Variants in SYNJ2 observed in about 807,000 individuals in gnomAD.
SYNJ2 encodes synaptojanin 2, also known as polyphosphatidylinositol phosphatase SYNJ2.
In SYNJ2, 116 loss-of-function variants were observed where a neutral mutation model predicts 141.3. That is an observed-to-expected ratio of 0.82 (90% CI 0.71 to 0.96). The LOEUF (loss-of-function observed/expected upper bound fraction) is 0.96. SYNJ2 is among the 40% of genes least tolerant of loss of function. SYNJ2 has a pLI of 0.00. For missense variants in SYNJ2, 1,873 were observed against 1,934.8 expected (o/e 0.97, Z 0.60); for synonymous variants, 745 against 777.7 (o/e 0.96, Z 0.70).
Position 158,027,191 on chromosome 6 carries a change from G to T in SYNJ2, c.215-1565G>T. 1.0e-6 allele frequency: 1 copy of T among 985,154 alleles called. No individual in the cohort carries two copies. The highest frequency in any genetic ancestry group is 1.2e-6 in the Non-Finnish European group (1 of 829,878). 61.0% of individuals were successfully genotyped at this position (985,154 alleles called of 1,614,324 possible). On this transcript the variant is annotated intron_variant, in intron 2 of 26. Coordinates refer to ENST00000355585, the MANE Select transcript of SYNJ2 (RefSeq NM_003898.4). The surrounding 1 kb of genome is among the most constrained non-coding windows in gnomAD (Gnocchi z 4.6). ...GTGAGGAAATTGGGGTGAGAGGGTGGTGGAACTGGTTGTTTTGGGGGTCTC... is the reference window on the plus strand; with the variant it reads ...GTGAGGAAATTGGGGTGAGAGGGTGTTGGAACTGGTTGTTTTGGGGGTCTC...
rs145699851 is a variant in SYNJ2, at chr6:158,049,276, G to T, written c.796-5691G>T. Among the ~76,000 whole-genome samples, 354 of 152,292 alleles carry T rather than the reference G, an allele frequency of 2.3e-3. 2 individuals are homozygous for T. Among genetic ancestry groups the T allele is most frequent in the African/African-American group, 8.2e-3 (339 of 41,554 alleles). On this transcript the variant is annotated intron_variant, in intron 5 of 26. Transcript: ENST00000355585. ...TGGAGGAGAAGGGAAGCTACAAAAT[G>T]CAGTGACAGTGGTGGACCCTGCCCT... is the stretch of plus-strand genomic sequence containing the variant.
intron 1 of SYNJ2, among the ~76,000 whole-genome samples, chr6:157,997,752 G>A (rs1461323051): frequency 8.8e-6 from 1 of 113,078 alleles, no homozygotes; most frequent in Non-Finnish European, 1.8e-5. Flanking sequence ...GTTGAATGAC[G>A]AAGCATTGGC....
chr6:158,094,064 C>T lies in SYNJ2; in HGVS notation c.3744+960C>T, dbSNP rs3828711. The stretch of plus-strand genomic sequence containing the variant: ...TAATCCCTTCCTGGTCATCACAGCA[C>T]GATGCTGCTTCCCCCCTAGAGAGTG... On this transcript the variant is annotated intron_variant, in intron 26 of 26. Transcript: ENST00000355585. 266 of 753,018 alleles carry T rather than the reference C, an allele frequency of 3.5e-4. 3 individuals are homozygous for T. The East Asian group carries it at 6.2e-3, about 18-fold the overall frequency. 46.6% of individuals were successfully genotyped at this position (753,018 alleles called of 1,614,324 possible).
Position 158,015,949 on chromosome 6 carries a change from C to A in SYNJ2, c.128-1255C>A, listed in dbSNP as rs529802624. Among the ~76,000 whole-genome samples, 12 of 152,284 alleles carry A rather than the reference C, an allele frequency of 7.9e-5. No homozygotes were observed. The East Asian group carries it at 1.9e-3, about 24-fold the overall frequency. On this transcript the variant is annotated intron_variant, in intron 1 of 26. Coordinates refer to ENST00000355585, the MANE Select transcript of SYNJ2 (RefSeq NM_003898.4). Reference sequence around the variant, plus strand: ...TTTCAGGATTGTACAACCATCACCACCACCATCACCATAATCTAATTTTAG... The same window carrying A: ...TTTCAGGATTGTACAACCATCACCAACACCATCACCATAATCTAATTTTAG...
In SYNJ2 at chr6:158,017,184, G is replaced by A. The variant is rs1349085965; in HGVS notation, c.128-20G>A. On this transcript the variant is annotated intron_variant, in intron 1 of 26. Coordinates refer to ENST00000355585, the MANE Select transcript of SYNJ2 (RefSeq NM_003898.4). ...CAGGAGACGCTCGCTGATGCCTTCT[G>A]TGATGTGTTTCTTCCCCAGCTCCAG... The A allele has an allele frequency of 1.9e-6, 3 of 1,612,100 alleles. No homozygotes were observed. Among genetic ancestry groups the A allele is most frequent in the African/African-American group, 1.3e-5 (1 of 74,846 alleles).
rs1457539663 is a variant in SYNJ2 at position 158,097,832 on chromosome 6, C to A, written c.*1468C>A. 8.5e-6 allele frequency: 1 copy of A among 117,988 alleles called. No homozygotes were observed. Among genetic ancestry groups the A allele is most frequent in the Non-Finnish European group, 1.8e-5 (1 of 56,826 alleles). 7.3% of individuals were successfully genotyped at this position (117,988 alleles called of 1,614,324 possible). A position where few individuals can be genotyped will look rare whatever the true frequency, so the allele number is the denominator to read the frequency against. On this transcript the variant is annotated 3_prime_UTR_variant, in exon 27 of 27. Coordinates refer to ENST00000355585, the MANE Select transcript of SYNJ2 (RefSeq NM_003898.4). ...TCTCTTTTCATCTGAAAACTAATACCTGGAAAAGGATAAAAAAAAAAAGGA... is the reference window on the plus strand; with the variant it reads ...TCTCTTTTCATCTGAAAACTAATACATGGAAAAGGATAAAAAAAAAAAGGA...
Position 158,097,801 on chromosome 6 carries a change from C to T in SYNJ2, c.*1437C>T, listed in dbSNP as rs1478933444. 1 of 150,008 alleles carries T rather than the reference C, an allele frequency of 6.7e-6. No individual in the cohort carries two copies. Among genetic ancestry groups the T allele is most frequent in the Non-Finnish European group, 1.5e-5 (1 of 67,770 alleles). The allele number at this position is 150,008 out of a possible 1,614,324, so 9.3% of individuals were successfully genotyped here. A position where few individuals can be genotyped will look rare whatever the true frequency, so the allele number is the denominator to read the frequency against. Reference sequence around the variant, plus strand: ...ATGGCCATCAAAACAAAAGTTACAACACGTATCTCTTTTCATCTGAAAACT... The same window carrying T: ...ATGGCCATCAAAACAAAAGTTACAATACGTATCTCTTTTCATCTGAAAACT... On this transcript the variant is annotated 3_prime_UTR_variant, in exon 27 of 27. Coordinates refer to ENST00000355585, the MANE Select transcript of SYNJ2 (RefSeq NM_003898.4).
chr6:157,983,526 T>G (rs1777087710), intron 1 of SYNJ2, among the ~76,000 whole-genome samples: 1 of 152,268 alleles, frequency 6.6e-6, no homozygotes, highest in Admixed American at 6.5e-5. Flanking sequence ...TGTCCTTCAG[T>G]TGGATTACGG....
At chr6:158,054,013 GTCGCCCATCTAT>G (rs1780720319) in intron 5 of SYNJ2, among the ~76,000 whole-genome samples, 2 of 135,482 alleles carry the variant, frequency 1.5e-5, no homozygotes, top group African/African-American at 5.7e-5. Flanking sequence ...TATCCATTCA[GTCGCCCATCTAT>G]TCACCCATCC....
intron 20 of SYNJ2, among the ~76,000 whole-genome samples, chr6:158,082,158 C>A (rs918980133): frequency 2.6e-5 from 4 of 152,130 alleles, no homozygotes; most frequent in African/African-American, 2.4e-5. Context: ...ACCAGCCTGG[C>A]CAACATGGCG....
chr6:158,002,760 G>T (rs1777910563), intron 1 of SYNJ2, among the ~76,000 whole-genome samples: 1 of 152,236 alleles, frequency 6.6e-6, no homozygotes, highest in Non-Finnish European at 1.5e-5. Context: ...ACCAGGCCCA[G>T]TGAAAACACA....
intron 25 of SYNJ2, among the ~76,000 whole-genome samples, chr6:158,092,512 C>T (rs1783527469): frequency 6.6e-6 from 1 of 152,172 alleles, no homozygotes; most frequent in African/African-American, 2.4e-5. Flanking sequence ...TGGTGGTTCA[C>T]ACCAGTAGTC....
chr6:158,028,272 A>G (rs1163227589), intron 2 of SYNJ2: 1 of 168,924 alleles, frequency 5.9e-6, no homozygotes, highest in Non-Finnish European at 1.3e-5. Flanking sequence ...TGGGAAGGCC[A>G]CTCCTGTGAT....
intron 2 of SYNJ2, among the ~76,000 whole-genome samples, chr6:158,021,776 CT>C (rs1778787701): frequency 6.6e-6 from 1 of 152,222 alleles, no homozygotes; most frequent in Non-Finnish European, 1.5e-5. Context: ...TCTAGCAAGT[CT>C]TGAAGCGAAC....
At chr6:158,062,224 G>A in intron 8 of SYNJ2, 60 bp downstream of exon 8, 1 of 1,581,992 alleles carries the variant, frequency 6.3e-7, no homozygotes, top group Non-Finnish European at 8.6e-7. Context: ...AGTCCACGGT[G>A]AGGCTCGCTG....
Position 158,071,538 on chromosome 6 carries a change from T to A in SYNJ2, c.1941-64T>A. On this transcript the variant is annotated intron_variant, in intron 14 of 26. Transcript: ENST00000355585. The surrounding 1 kb of genome is among the most constrained non-coding windows in gnomAD (Gnocchi z 4.3). Reference sequence around the variant, plus strand: ...CGAGCTGCTGCTGGGCCCTTCTCTGTGGCAAAGCAGGGTCACACTTCTCCT... The same window carrying A: ...CGAGCTGCTGCTGGGCCCTTCTCTGAGGCAAAGCAGGGTCACACTTCTCCT... 1 of 1,554,646 alleles carries A rather than the reference T, an allele frequency of 6.4e-7. No homozygotes were observed. Among genetic ancestry groups the A allele is most frequent in the East Asian group, 2.2e-5 (1 of 44,470 alleles).
chr6:158,044,267 A>G (rs1780117487), intron 5 of SYNJ2, among the ~76,000 whole-genome samples: 1 of 152,188 alleles, frequency 6.6e-6, no homozygotes, highest in Non-Finnish European at 1.5e-5. Flanking sequence ...CGCTGGACTC[A>G]GGGTCCCCAG....
rs371641917 is a variant in SYNJ2, at chr6:157,985,823, G to A, written c.127+3735G>A. ...TTGCTGTGAACAGGCAGCAGGGAGG[G>A]AGGGATGGGGCAGGAGACTTGAGAG... On this transcript the variant is annotated intron_variant, in intron 1 of 26. Coordinates refer to ENST00000355585, the MANE Select transcript of SYNJ2 (RefSeq NM_003898.4). Among the ~76,000 whole-genome samples, 243 of 152,282 alleles carry A rather than the reference G, an allele frequency of 1.6e-3. 4 individuals are homozygous for A. The highest frequency in any genetic ancestry group is 5.4e-3 in the African/African-American group (226 of 41,566).
At chr6:158,068,749 G>A (rs1484491690) in intron 13 of SYNJ2, 21 bp downstream of exon 13, 2 of 1,613,304 alleles carry the variant, frequency 1.2e-6, no homozygotes, top group Admixed American at 3.3e-5. Context: ...AGGTGTGCGG[G>A]GCCAGGCAGG....
Sources: allele counts gnomAD v4.1 joint callset (sites outside exome capture counted in the v4.1 genomes callset), GRCh38; gene constraint gnomAD v4.1.1; non-coding constraint Gnocchi (gnomAD v3.1); transcripts MANE v1.5; gene names NCBI Gene and HGNC (gene_info 2026-07-23, HGNC 2026-07-21).